PDE4A: variants seen among roughly 807,000 people sequenced by gnomAD.
The protein encoded by PDE4A is phosphodiesterase 4A.
Under a neutral mutation model 73.9 loss-of-function variants are expected in PDE4A, and 21 were observed. The ratio of observed to expected loss-of-function variants is 0.28; its 90% CI spans 0.20 to 0.41. The LOEUF (loss-of-function observed/expected upper bound fraction) is 0.41. PDE4A is among the 10% of genes least tolerant of loss of function. PDE4A has a pLI of 1.00. For synonymous variants in PDE4A, 463 were observed against 505.4 expected (o/e 0.92, Z 1.13); for missense variants, 958 against 1,211.4 (o/e 0.79, Z 3.10).
intron 1 of PDE4A, among the ~76,000 whole-genome samples, chr19:10,437,734 G>A (rs2042883818): frequency 6.6e-6 from 1 of 150,648 alleles, no homozygotes. Context: ...ATCCATTTTC[G>A]AGTGTATAGT....
In PDE4A at chr19:10,429,940, A is replaced by G. The variant is rs151001896; in HGVS notation, c.320+8856A>G. Among the ~76,000 whole-genome samples the G allele has an allele frequency of 7.6e-3, 1,155 of 152,110 alleles. 55 individuals are homozygous for G. Among genetic ancestry groups the G allele is most frequent in the Admixed American group, 0.065 (989 of 15,254 alleles). ...TAGAACCATTCAGGGATTAAGGGACATCTGAGGGACTGTGGAGGTGTTCCT... is the reference window on the plus strand; with the variant it reads ...TAGAACCATTCAGGGATTAAGGGACGTCTGAGGGACTGTGGAGGTGTTCCT... On this transcript the variant is annotated intron_variant, in intron 1 of 14. Transcript: ENST00000380702.
chr19:10,440,351 T>A lies in PDE4A; in HGVS notation c.321-5867T>A, dbSNP rs188763644. ...TTAAGGATTTTTTTTCATATGTTTA[T>A]TGGCTGTTTTAATATCTTTTCTGCA... On this transcript the variant is annotated intron_variant, in intron 1 of 14. Coordinates refer to ENST00000380702, the MANE Select transcript of PDE4A (RefSeq NM_001111307.2). 1.4e-4 allele frequency among the ~76,000 whole-genome samples: 21 copies of A among 152,322 alleles called. No individual in the cohort carries two copies. In the East Asian group the frequency reaches 4.0e-3, roughly 29 times the overall value.
At chr19:10,433,472 CA>C (rs1471887763) in intron 1 of PDE4A, among the ~76,000 whole-genome samples, 1 of 152,196 alleles carries the variant, frequency 6.6e-6, no homozygotes, top group Non-Finnish European at 1.5e-5. Flanking sequence ...CGTGCCCACA[CA>C]GGGGTCAGGG....
chr19:10,458,169 G>A lies in PDE4A; in HGVS notation c.1101+67G>A, dbSNP rs2145571110. 5 of 1,478,934 alleles carry A rather than the reference G, an allele frequency of 3.4e-6. No individual in the cohort carries two copies. Among genetic ancestry groups the A allele is most frequent in the Non-Finnish European group, 4.7e-6 (5 of 1,064,906 alleles). 91.6% of individuals were successfully genotyped at this position (1,478,934 alleles called of 1,614,324 possible). ...CTCCTGGGACCCTGAGAAGGACTGG[G>A]CATTGGGTTATGTCTTAGGCCAGGT... On this transcript the variant is annotated intron_variant, in intron 8 of 14. Transcript: ENST00000380702. This position sits in a 1 kb window ranked among gnomAD's most constrained non-coding sequence, Gnocchi z 4.6.
intron 1 of PDE4A, chr19:10,428,830 G>T: frequency 1.0e-6 from 1 of 985,448 alleles, no homozygotes; most frequent in African/African-American, 1.7e-5. Flanking sequence ...CACAGAGGTG[G>T]ACTCGAAAAT....
intron 1 of PDE4A, among the ~76,000 whole-genome samples, chr19:10,432,809 G>A (rs1052739268): frequency 1.3e-5 from 2 of 152,142 alleles, no homozygotes; most frequent in Non-Finnish European, 2.9e-5. Flanking sequence ...GGTAGGACCC[G>A]TCACCCTCTT....
chr19:10,430,694 G>T lies in PDE4A; in HGVS notation c.320+9610G>T, dbSNP rs572957261. ...GGGCGCCCCAGACCCGCCCCGCCCT[G>T]GGGGCGGCTCCAGCGCGAAGCCGGA... On this transcript the variant is annotated intron_variant, in intron 1 of 14. Coordinates refer to ENST00000380702, the MANE Select transcript of PDE4A (RefSeq NM_001111307.2). The T allele has an allele frequency of 5.8e-4, 105 of 179,928 alleles. 1 individual carries two copies. In the South Asian group the frequency reaches 6.3e-3, roughly 11 times the overall value. 11.1% of individuals were successfully genotyped at this position (179,928 alleles called of 1,614,324 possible).
At chr19:10,443,112 G>A (rs541938105) in intron 1 of PDE4A, among the ~76,000 whole-genome samples, 1 of 152,202 alleles carries the variant, frequency 6.6e-6, no homozygotes, top group Non-Finnish European at 1.5e-5. Flanking sequence ...CCAGGAGGCT[G>A]CAGTGAGCTA....
chr19:10,462,703 C>T (rs900117288), intron 13 of PDE4A, among the ~76,000 whole-genome samples: 21 of 152,104 alleles, frequency 1.4e-4, no homozygotes, highest in Non-Finnish European at 2.8e-4. Flanking sequence ...CCTCCCATTT[C>T]CCCCAATTCC....
intron 1 of PDE4A, among the ~76,000 whole-genome samples, chr19:10,445,968 G>C (rs2145522614): frequency 6.6e-6 from 1 of 151,078 alleles, no homozygotes; most frequent in East Asian, 2.0e-4. Flanking sequence ...CTCCCGAATA[G>C]CTGGGATTAC....
intron 1 of PDE4A, among the ~76,000 whole-genome samples, chr19:10,425,202 A>T (rs891317874): frequency 1.3e-5 from 2 of 151,024 alleles, no homozygotes; most frequent in African/African-American, 2.4e-5. Context: ...CCAGCCTGGC[A>T]GCAGAGCGAG....
At position 10,469,092 on chromosome 19, in the gene PDE4A, A is replaced by G. The variant is rs1423371034; in HGVS notation, c.*1471A>G. ...CCTTGATGCTGTCTGTACAGGGTTC[A>G]TATTTTGTAGCGAAAGTCGTTTTTG... is the stretch of plus-strand genomic sequence containing the variant. On this transcript the variant is annotated 3_prime_UTR_variant, in exon 15 of 15. Transcript: ENST00000380702. The G allele has an allele frequency of 1.3e-5, 2 of 152,754 alleles. No individual in the cohort carries two copies. The highest frequency in any genetic ancestry group is 4.8e-5 in the African/African-American group (2 of 41,572). The allele number at this position is 152,754 out of a possible 1,614,324, so 9.5% of individuals were successfully genotyped here. A position where few individuals can be genotyped will look rare whatever the true frequency, so the allele number is the denominator to read the frequency against.
At chr19:10,466,830 G>T in intron 14 of PDE4A, 57 bp from the exon 15 acceptor site, 1 of 1,565,872 alleles carries the variant, frequency 6.4e-7, no homozygotes, top group Non-Finnish European at 8.6e-7. Context: ...CTCCCATAAT[G>T]TGGTGGTATC....
At position 10,458,889 on chromosome 19, in the gene PDE4A, G is replaced by C. The variant is rs1160058256; in HGVS notation, c.1102-511G>C. The C allele has an allele frequency of 6.3e-6, 1 of 157,490 alleles. No homozygotes were observed. Among genetic ancestry groups the C allele is most frequent in the African/African-American group, 2.4e-5 (1 of 41,542 alleles). 9.8% of individuals were successfully genotyped at this position (157,490 alleles called of 1,614,324 possible). On this transcript the variant is annotated intron_variant, in intron 8 of 14. Coordinates refer to ENST00000380702, the MANE Select transcript of PDE4A (RefSeq NM_001111307.2). The surrounding 1 kb of genome is among the most constrained non-coding windows in gnomAD (Gnocchi z 4.6). ...CCGCCTTAGCCTCACAAAGTGCTGG[G>C]ATTGCAGGCGTGAGCCACTGCACCT...
chr19:10,467,010 C>A lies in PDE4A; in HGVS notation c.2050C>A (p.Arg684=), dbSNP rs199552753. 6.2e-7 allele frequency: 1 copy of A among 1,614,136 alleles called. No homozygotes were observed. Among genetic ancestry groups the A allele is most frequent in the Non-Finnish European group, 8.5e-7 (1 of 1,180,024 alleles). ...DNRDWYYSAI[R]QSPSPPPEEE... is the part of the protein sequence containing the mutation. ...CCGGGACTGGTACTACAGCGCCATC[C>A]GGCAGAGCCCATCTCCGCCACCCGA... The change falls in exon 15 of 15, where the codon CGG becomes AGG. Residue 684 remains arginine (R), a synonymous_variant. Coordinates refer to ENST00000380702, the MANE Select transcript of PDE4A (RefSeq NM_001111307.2).
At chr19:10,421,506 G>A (rs2042651203) in intron 1 of PDE4A, among the ~76,000 whole-genome samples, 1 of 152,134 alleles carries the variant, frequency 6.6e-6, no homozygotes, top group Non-Finnish European at 1.5e-5. Flanking sequence ...TGCCTGCTAG[G>A]ACCAGGATCT....
Position 10,461,864 on chromosome 19 carries a change from C to T in PDE4A, c.1621-13C>T, listed in dbSNP as rs201818222. On this transcript the variant is annotated splice_polypyrimidine_tract_variant and intron_variant, in intron 12 of 14. Coordinates refer to ENST00000380702, the MANE Select transcript of PDE4A (RefSeq NM_001111307.2). ...GGGTGTCAGCGGCCCCAGTGACGCC[C>T]CCTTGCCCGCAGGTGCTGGCCACGG... 135 of 1,611,230 alleles carry T rather than the reference C, an allele frequency of 8.4e-5. No homozygotes were observed. In the East Asian group the frequency reaches 2.9e-3, roughly 35 times the overall value.
rs910676464 is a variant in PDE4A, at chr19:10,453,124, C to T, written c.784-1705C>T. 60 of 1,379,728 alleles carry T rather than the reference C, an allele frequency of 4.3e-5. 1 individual carries two copies. In the South Asian group the frequency reaches 7.3e-4, roughly 17 times the overall value. 85.5% of individuals were successfully genotyped at this position (1,379,728 alleles called of 1,614,324 possible). A position where few individuals can be genotyped will look rare whatever the true frequency, so the allele number is the denominator to read the frequency against. On this transcript the variant is annotated intron_variant, in intron 6 of 14. Coordinates refer to ENST00000380702, the MANE Select transcript of PDE4A (RefSeq NM_001111307.2). The surrounding 1 kb of genome is among the most constrained non-coding windows in gnomAD (Gnocchi z 4.6). ...GAGGGGAAGGGAGCCCCCAGCCCTG[C>T]TGGGCCGGCCCAGGCCCCTCCGCGG...
upstream of PDE4A, chr19:10,419,699 A>G (rs1322422351): frequency 1.3e-5 from 2 of 152,578 alleles, no homozygotes; most frequent in African/African-American, 4.8e-5. Context: ...ACTAACATAC[A>G]TAGACGTCCT....
Sources: gnomAD v4.1 joint callset for allele counts (sites outside exome capture counted in the v4.1 genomes callset) on GRCh38, gnomAD v4.1.1 for gene constraint, Gnocchi (gnomAD v3.1) non-coding constraint, MANE v1.5 for transcripts, NCBI Gene and HGNC (gene_info 2026-07-23, HGNC 2026-07-21) for gene names.